LOC400499: variants seen among roughly 807,000 people sequenced by gnomAD.
chr16:11,392,411 G>T, the LOC400499 span: 1 of 398,882 alleles, frequency 2.5e-6, no homozygotes, highest in African/African-American at 2.1e-5. Flanking sequence ...CAGCGGCTGG[G>T]AGGGCTGCCT....
chr16:11,491,807 C>T, the LOC400499 span: 1 of 399,000 alleles, frequency 2.5e-6, no homozygotes, highest in East Asian at 3.6e-5. Context: ...TCTCAGCATC[C>T]TCCTCCAGGG....
the LOC400499 span, among the ~76,000 whole-genome samples, chr16:11,438,164 C>CCTCT: frequency 6.6e-6 from 1 of 152,180 alleles, no homozygotes; most frequent in Non-Finnish European, 1.5e-5. Flanking sequence ...GGGTTTAGAA[C>CCTCT]AGAGCCTGCC....
chr16:11,431,418 T>C, the LOC400499 span, among the ~76,000 whole-genome samples: 1 of 152,160 alleles, frequency 6.6e-6, no homozygotes, highest in African/African-American at 2.4e-5. Flanking sequence ...TTTTCATTTT[T>C]TTCCTAGGAG....
chr16:11,414,495 CT>C, the LOC400499 span: 1 of 399,860 alleles, frequency 2.5e-6, no homozygotes, highest in Non-Finnish European at 4.4e-6. Flanking sequence ...CCACCCTGGC[CT>C]GGGTCTGGGT....
At chr16:11,393,339 C>G in the LOC400499 span, 1 of 1,224,602 alleles carries the variant, frequency 8.2e-7, no homozygotes. Context: ...CTTTCTTGAG[C>G]CAACAGGGGC....
the LOC400499 span, among the ~76,000 whole-genome samples, chr16:11,444,110 G>C: frequency 1.1e-4 from 17 of 152,096 alleles, no homozygotes; most frequent in African/African-American, 3.9e-4. Context: ...CAAAATGCTG[G>C]GATTACATGT....
At chr16:11,449,190 T>C in the LOC400499 span, 1 of 1,215,348 alleles carries the variant, frequency 8.2e-7, no homozygotes. Flanking sequence ...TCTTTCCTGC[T>C]TGGTGAACTC....
At chr16:11,515,902 C>CCACT in the LOC400499 span, 1 of 279,300 alleles carries the variant, frequency 3.6e-6, no homozygotes. Flanking sequence ...CCTAGCCCAG[C>CCACT]CCAGCCCAGC....
At chr16:11,495,648 G>C in the LOC400499 span, among the ~76,000 whole-genome samples, 1 of 152,164 alleles carries the variant, frequency 6.6e-6, no homozygotes, top group Non-Finnish European at 1.5e-5. Flanking sequence ...CCAAAGTGCT[G>C]GGATTACAGG....
chr16:11,393,387 T>C, the LOC400499 span: 1 of 1,232,154 alleles, frequency 8.1e-7, no homozygotes, highest in Non-Finnish European at 1.0e-6. Flanking sequence ...CAGCTGCCAC[T>C]CACCCTCCTC....
chr16:11,391,272 G>A, the LOC400499 span, among the ~76,000 whole-genome samples: 1 of 152,226 alleles, frequency 6.6e-6, no homozygotes, highest in Non-Finnish European at 1.5e-5. Context: ...AGGCTGGTTG[G>A]GGCAGCAGGT....
chr16:11,412,075 G>C, the LOC400499 span, among the ~76,000 whole-genome samples: 2 of 152,046 alleles, frequency 1.3e-5, no homozygotes, highest in African/African-American at 2.4e-5. Flanking sequence ...ATGTTGCCCA[G>C]GTTGGCCTCG....
the LOC400499 span, chr16:11,414,647 G>C: frequency 2.5e-6 from 1 of 398,128 alleles, no homozygotes; most frequent in Non-Finnish European, 4.4e-6. Flanking sequence ...GGCTGCCACA[G>C]CGTGGGTGCT....
chr16:11,387,148 G>A, the LOC400499 span: 12 of 1,232,192 alleles, frequency 9.7e-6, no homozygotes, highest in Admixed American at 1.7e-4. Flanking sequence ...GTCTGAGCCA[G>A]TAGTACTCAG....
the LOC400499 span, among the ~76,000 whole-genome samples, chr16:11,411,499 G>A: frequency 2.4e-4 from 37 of 152,294 alleles, no homozygotes; most frequent in Admixed American, 4.6e-4. Context: ...AGGGCCATAC[G>A]GTGCCCTGGT....
chr16:11,456,055 T>G, the LOC400499 span, among the ~76,000 whole-genome samples: 2 of 151,610 alleles, frequency 1.3e-5, no homozygotes, highest in Admixed American at 6.6e-5. Flanking sequence ...TTTTTTTTTT[T>G]TTTCCTGAGG....
chr16:11,492,361 C>G, the LOC400499 span, among the ~76,000 whole-genome samples: 1 of 146,648 alleles, frequency 6.8e-6, no homozygotes, highest in Admixed American at 7.1e-5. Flanking sequence ...TTAACATAAG[C>G]AACAACTATG....
the LOC400499 span, among the ~76,000 whole-genome samples, chr16:11,486,443 GATGA>G: frequency 1.1e-5 from 1 of 92,954 alleles, no homozygotes; most frequent in Non-Finnish European, 2.1e-5. Flanking sequence ...TGGATGGATG[GATGA>G]ATGGTACATG....
chr16:11,458,308 T>C, the LOC400499 span, among the ~76,000 whole-genome samples: 15 of 152,200 alleles, frequency 9.9e-5, no homozygotes, highest in African/African-American at 3.6e-4. Context: ...GTCGTGCCAC[T>C]GCACTCCAGC....
Sources: gnomAD v4.1 joint callset for allele counts (sites outside exome capture counted in the v4.1 genomes callset) on GRCh38, gnomAD v4.1.1 for gene constraint, MANE v1.5 for transcripts.